PPM1H: variants seen among roughly 807,000 people sequenced by gnomAD.
PPM1H encodes protein phosphatase 1H.
PPM1H carries 27 observed loss-of-function variants against 54.9 expected under a neutral mutation model. That is an observed-to-expected ratio of 0.49 (90% CI 0.36 to 0.68). The LOEUF is 0.68. Among genes scored for constraint, PPM1H ranks in the 30% least tolerant of loss-of-function variants. The pLI, the probability that PPM1H is intolerant of heterozygous loss-of-function variation, is 0.00. For missense variants in PPM1H, 596 were observed against 667.8 expected (o/e 0.89, Z 1.19); for synonymous variants, 305 against 270.8 (o/e 1.13, Z -1.24).
intron 4 of PPM1H, among the ~76,000 whole-genome samples, chr12:62,764,820 C>CG (rs1331638555): frequency 1.3e-5 from 2 of 152,098 alleles, no homozygotes; most frequent in East Asian, 1.9e-4. Flanking sequence ...AGGACTGGCA[C>CG]GGGGGGCCAT....
chr12:62,699,289 T>C (rs1304115642), intron 6 of PPM1H, among the ~76,000 whole-genome samples: 3 of 152,206 alleles, frequency 2.0e-5, no homozygotes, highest in Non-Finnish European at 2.9e-5. Flanking sequence ...CTCTACCTCC[T>C]GGGTTCAAGT....
intron 1 of PPM1H, among the ~76,000 whole-genome samples, chr12:62,854,727 T>C (rs958601514): frequency 5.3e-5 from 8 of 151,982 alleles, no homozygotes; most frequent in Non-Finnish European, 8.8e-5. Flanking sequence ...TTAACAGACA[T>C]TGAGAGAATA....
chr12:62,810,134 AAAAGG>A (rs1222323863), intron 2 of PPM1H, among the ~76,000 whole-genome samples: 13 of 152,186 alleles, frequency 8.5e-5, no homozygotes, highest in Non-Finnish European at 1.5e-5. Context: ...ACAAAGAAAG[AAAAGG>A]AGAGAATGGT....
chr12:62,669,969 CTT>C (rs1161094944), intron 8 of PPM1H, among the ~76,000 whole-genome samples: 17 of 46,420 alleles, frequency 3.7e-4, no homozygotes, highest in South Asian at 1.3e-3. Context: ...GGATTGATTC[CTT>C]TTTTTTTTTT....
chr12:62,655,977 C>A (rs544240664), intron 9 of PPM1H, among the ~76,000 whole-genome samples: 1 of 152,116 alleles, frequency 6.6e-6, no homozygotes, highest in Non-Finnish European at 1.5e-5. Flanking sequence ...AGGCTCTGAG[C>A]GGGAGGGAGC....
intron 1 of PPM1H, among the ~76,000 whole-genome samples, chr12:62,839,397 T>C (rs754572811): frequency 4.6e-5 from 7 of 152,198 alleles, no homozygotes; most frequent in Non-Finnish European, 8.8e-5. Flanking sequence ...TGCCAATATT[T>C]TAAAATTGGG....
intron 2 of PPM1H, among the ~76,000 whole-genome samples, chr12:62,813,455 A>G (rs1247104624): frequency 1.3e-5 from 2 of 152,200 alleles, no homozygotes; most frequent in East Asian, 3.9e-4. Context: ...CGTGCATGGG[A>G]TGCTGGTGCT....
At chr12:62,885,066 A>G (rs1870539647) in intron 1 of PPM1H, among the ~76,000 whole-genome samples, 1 of 152,126 alleles carries the variant, frequency 6.6e-6, no homozygotes, top group African/African-American at 2.4e-5. Context: ...GGTGGCGACA[A>G]AAGAAAATAG....
chr12:62,901,672 T>C (rs1001947039), intron 1 of PPM1H, among the ~76,000 whole-genome samples: 5 of 152,188 alleles, frequency 3.3e-5, no homozygotes, highest in Non-Finnish European at 5.9e-5. Context: ...TTCTTAACAC[T>C]CCTAACAGGT....
chr12:62,695,775 G>A (rs780241740), intron 6 of PPM1H, among the ~76,000 whole-genome samples: 6 of 152,108 alleles, frequency 3.9e-5, no homozygotes, highest in Non-Finnish European at 8.8e-5. Flanking sequence ...TCAGCAATTA[G>A]CCCCTTATCA....
intron 1 of PPM1H, among the ~76,000 whole-genome samples, chr12:62,869,178 C>T (rs1869891614): frequency 6.6e-6 from 1 of 152,156 alleles, no homozygotes; most frequent in African/African-American, 2.4e-5. Context: ...ATGAAAACAA[C>T]CATCTTCCTG....
chr12:62,726,389 G>A (rs1040176499), intron 5 of PPM1H, among the ~76,000 whole-genome samples: 1 of 151,462 alleles, frequency 6.6e-6, no homozygotes, highest in Non-Finnish European at 1.5e-5. Flanking sequence ...TTATCTGAGG[G>A]TTTTCTTTTT....
intron 1 of PPM1H, among the ~76,000 whole-genome samples, chr12:62,920,318 T>G (rs1489826006): frequency 1.3e-5 from 2 of 152,296 alleles, no homozygotes; most frequent in African/African-American, 4.8e-5. Flanking sequence ...AAAAATCCTC[T>G]TTTTAAAATT....
intron 9 of PPM1H, chr12:62,659,088 T>C (rs545011504): frequency 1.8e-5 from 13 of 729,838 alleles, no homozygotes; most frequent in African/African-American, 1.2e-4. Flanking sequence ...GCTGCTGCCA[T>C]GCAACAAATC....
intron 9 of PPM1H, among the ~76,000 whole-genome samples, chr12:62,663,139 T>C (rs907590441): frequency 2.0e-5 from 3 of 152,112 alleles, no homozygotes; most frequent in African/African-American, 7.2e-5. Context: ...GCAAGTTACT[T>C]CCAGTTTCTG....
At chr12:62,900,393 G>C (rs1318897126) in intron 1 of PPM1H, among the ~76,000 whole-genome samples, 6 of 151,926 alleles carry the variant, frequency 3.9e-5, no homozygotes, top group Non-Finnish European at 8.8e-5. Context: ...GTTGTGGGGT[G>C]GGGTAGGGGG....
chr12:62,764,931 A>G (rs1344259265), intron 4 of PPM1H, among the ~76,000 whole-genome samples: 2 of 152,244 alleles, frequency 1.3e-5, no homozygotes, highest in African/African-American at 2.4e-5. Flanking sequence ...GGACAAAGCC[A>G]TGCGTGCCGC....
intron 1 of PPM1H, among the ~76,000 whole-genome samples, chr12:62,878,758 G>A (rs529720524): frequency 1.3e-5 from 2 of 151,672 alleles, no homozygotes; most frequent in African/African-American, 2.4e-5. Context: ...TGGCCAACAT[G>A]GCGAAACCCC....
chr12:62,735,191 T>C (rs139906951), intron 5 of PPM1H, among the ~76,000 whole-genome samples: 1 of 152,098 alleles, frequency 6.6e-6, no homozygotes, highest in African/African-American at 2.4e-5. Context: ...TCAATATGAA[T>C]ATTGTTTTTA....
Sources: gnomAD v4.1 joint callset for allele counts (sites outside exome capture counted in the v4.1 genomes callset) on GRCh38, gnomAD v4.1.1 for gene constraint, MANE v1.5 for transcripts, NCBI Gene and HGNC (gene_info 2026-07-23, HGNC 2026-07-21) for gene names.